The following AHI1 variants were observed in gnomAD, a reference collection of about 807,000 sequenced individuals.
The protein encoded by AHI1 is Abelson helper integration site 1.
AHI1 carries 123 observed loss-of-function variants against 149.3 expected under a neutral mutation model. The ratio of observed to expected loss-of-function variants is 0.82; its 90% CI spans 0.71 to 0.96. The LOEUF (loss-of-function observed/expected upper bound fraction) is 0.96, where lower values mean the gene tolerates loss of function less well. Among genes scored for constraint, AHI1 ranks in the 40% least tolerant of loss-of-function variants. AHI1 has a pLI of 0.00. For missense variants in AHI1, 1,439 were observed against 1,422.7 expected, an observed-to-expected ratio of 1.01 and a Z score of -0.18; for synonymous variants, 475 against 459.8, an observed-to-expected ratio of 1.03 and a Z score of -0.42.
Position 135,304,490 on chromosome 6 carries a change from C to T in AHI1, c.3427-3932G>A, listed in dbSNP as rs376461064. Among the ~76,000 whole-genome samples the T allele has an allele frequency of 1.9e-3, 294 of 152,132 alleles. 2 individuals carry two copies. Among genetic ancestry groups the T allele is most frequent in the African/African-American group, 6.2e-3 (259 of 41,500 alleles). On this transcript the variant is annotated intron_variant, in intron 26 of 28. Coordinates refer to ENST00000265602, the MANE Select transcript of AHI1 (RefSeq NM_001134831.2). ...GCATACTGTAACAAAAAGTGAAGACCGCCGGGTGTGGTGGCTCACACCTGT... is the reference window on the plus strand; with the variant it reads ...GCATACTGTAACAAAAAGTGAAGACTGCCGGGTGTGGTGGCTCACACCTGT...
At chr6:135,476,395 T>C (rs1313882269) in intron 5 of AHI1, among the ~76,000 whole-genome samples, 1 of 152,006 alleles carries the variant, frequency 6.6e-6, no homozygotes, top group African/African-American at 2.4e-5. Flanking sequence ...AGACTTGTTT[T>C]ATGGGCCAGA....
intron 7 of AHI1, among the ~76,000 whole-genome samples, chr6:135,465,478 T>C (rs576028358): frequency 4.7e-4 from 72 of 152,206 alleles, no homozygotes; most frequent in Non-Finnish European, 8.1e-4. Flanking sequence ...TAGGTTTCTA[T>C]TACTTTGAAA....
At chr6:135,346,163 GT>G (rs2128418669) in intron 24 of AHI1, among the ~76,000 whole-genome samples, 1 of 152,108 alleles carries the variant, frequency 6.6e-6, no homozygotes, top group South Asian at 2.1e-4. Flanking sequence ...GAAGACAGGA[GT>G]TTTACTGAGC....
rs541545543 is a variant in AHI1 at position 135,440,858 on chromosome 6, G to T, written c.1912+1724C>A. Among the ~76,000 whole-genome samples the T allele has an allele frequency of 3.9e-5, 6 of 152,146 alleles. No homozygotes were observed. The South Asian group carries it at 1.2e-3, about 32-fold the overall frequency. On this transcript the variant is annotated intron_variant, in intron 14 of 28. Transcript: ENST00000265602. ...GGTGGGCGTGAGGGGAGAAAGGAGG[G>T]CATCTGATTTCCAGAGTTGCCACAC...
Position 135,442,625 on chromosome 6 carries a change from T to C in AHI1, c.1869A>G (p.Ile623Met). The C allele has an allele frequency of 6.2e-7, 1 of 1,609,900 alleles. No individual in the cohort carries two copies. Among genetic ancestry groups the C allele is most frequent in the Non-Finnish European group, 8.5e-7 (1 of 1,177,802 alleles). Residue 623 changes from isoleucine to methionine, a missense_variant, in exon 14 of 29, where the codon ATA becomes ATG. Ile to Met is a conservative substitution (Grantham distance 10). Coordinates refer to ENST00000265602, the MANE Select transcript of AHI1 (RefSeq NM_001134831.2). ...FCLDFSHNGRILAAACASRDG... is the reference protein window; with the variant it reads ...FCLDFSHNGRMLAAACASRDG... Reference sequence around the variant, plus strand: ...CCCGGCTGGCACAAGCTGCTGCTAATATTCTTCCATTGTGGGAGAAATCAA... The same window carrying C: ...CCCGGCTGGCACAAGCTGCTGCTAACATTCTTCCATTGTGGGAGAAATCAA...
intron 23 of AHI1, among the ~76,000 whole-genome samples, chr6:135,368,517 C>A (rs1243696488): frequency 6.6e-6 from 1 of 152,082 alleles, no homozygotes; most frequent in African/African-American, 2.4e-5. Context: ...TGGTGGGGGG[C>A]ACCCGCAGGA....
intron 11 of AHI1, among the ~76,000 whole-genome samples, chr6:135,452,789 A>T (rs1052980899): frequency 6.6e-6 from 1 of 152,010 alleles, no homozygotes. Flanking sequence ...TGCTCCTTCA[A>T]ATATCAGGGT....
chr6:135,487,585 G>C (rs1411003405), intron 5 of AHI1, among the ~76,000 whole-genome samples: 2 of 152,098 alleles, frequency 1.3e-5, no homozygotes, highest in East Asian at 3.8e-4. Flanking sequence ...GGGGGTACAT[G>C]TGATATTCTG....
chr6:135,472,890 T>C (rs572607735), intron 5 of AHI1, among the ~76,000 whole-genome samples: 46 of 152,324 alleles, frequency 3.0e-4, no homozygotes, highest in African/African-American at 1.1e-3. Context: ...AGATACAACA[T>C]TGTATCAGAT....
intron 27 of AHI1, among the ~76,000 whole-genome samples, chr6:135,294,961 T>C (rs1782899164): frequency 6.6e-6 from 1 of 152,132 alleles, no homozygotes. Context: ...CAGTTTGCTC[T>C]TCAAAAGTCA....
At chr6:135,423,096 C>A (rs1783446342) in intron 20 of AHI1, among the ~76,000 whole-genome samples, 2 of 151,884 alleles carry the variant, frequency 1.3e-5, no homozygotes, top group Non-Finnish European at 2.9e-5. Context: ...TCATCATCTG[C>A]AAAATGAGGA....
At chr6:135,293,449 G>A (rs977291100) in intron 27 of AHI1, among the ~76,000 whole-genome samples, 11 of 144,006 alleles carry the variant, frequency 7.6e-5, no homozygotes, top group Admixed American at 2.1e-4. Flanking sequence ...AAGAAAAGGC[G>A]CCCAGATTGT....
intron 24 of AHI1, among the ~76,000 whole-genome samples, chr6:135,329,116 G>T (rs1250144709): frequency 6.6e-6 from 1 of 152,246 alleles, no homozygotes; most frequent in Non-Finnish European, 1.5e-5. Flanking sequence ...GCAAGGTGAA[G>T]CTGCAAGTGC....
intron 5 of AHI1, 68 bp downstream of exon 5, chr6:135,490,555 A>G: frequency 6.4e-7 from 1 of 1,573,706 alleles, no homozygotes; most frequent in Non-Finnish European, 8.7e-7. Flanking sequence ...ATTTTAACAT[A>G]AAATGCAGCC....
chr6:135,349,468 G>A (rs1191008117), intron 24 of AHI1, among the ~76,000 whole-genome samples: 2 of 152,172 alleles, frequency 1.3e-5, no homozygotes, highest in African/African-American at 2.4e-5. Context: ...ACATCCCACT[G>A]CTTAGCATTG....
At chr6:135,376,435 C>T (rs550708823) in intron 23 of AHI1, among the ~76,000 whole-genome samples, 3 of 152,230 alleles carry the variant, frequency 2.0e-5, no homozygotes, top group Non-Finnish European at 1.5e-5. Context: ...CTTGACAACA[C>T]CAAAAGTGGG....
chr6:135,412,669 A>T (rs371976802), intron 20 of AHI1, among the ~76,000 whole-genome samples: 5 of 152,220 alleles, frequency 3.3e-5, no homozygotes, highest in African/African-American at 1.2e-4. Flanking sequence ...CTTGAAAAAT[A>T]TTAAATGTCT....
intron 7 of AHI1, 148 bp from the exon 8 acceptor site, chr6:135,463,454 T>C (rs1219408696): frequency 4.7e-6 from 3 of 634,232 alleles, no homozygotes; most frequent in South Asian, 7.3e-5. Flanking sequence ...TATTTTCTTA[T>C]ACACTAAAAT....
intron 23 of AHI1, among the ~76,000 whole-genome samples, chr6:135,359,745 C>T (rs1414236382): frequency 6.6e-6 from 1 of 152,142 alleles, no homozygotes; most frequent in African/African-American, 2.4e-5. Flanking sequence ...TGTAATCTGA[C>T]TGTTATAAAA....
Sources: gnomAD v4.1 joint callset for allele counts (sites outside exome capture counted in the v4.1 genomes callset) on GRCh38, gnomAD v4.1.1 for gene constraint, MANE v1.5 for transcripts, NCBI Gene and HGNC (gene_info 2026-07-23, HGNC 2026-07-21) for gene names.